Variants in EYS observed in about 807,000 individuals in gnomAD.
EYS encodes EGF-like photoreceptor maintenance factor.
Under a neutral mutation model 282.1 loss-of-function variants are expected in EYS, and 250 were observed. That is an observed-to-expected ratio of 0.89 (90% confidence interval 0.80 to 0.98). EYS has a LOEUF of 0.98. Among genes scored for constraint, EYS ranks in the 50% least tolerant of loss-of-function variants. The probability of loss-of-function intolerance (pLI) is 0.00; values close to 1 mark genes in which losing one functional copy is unlikely to be tolerated. For missense variants in EYS, 4,016 were observed against 3,709.0 expected, an observed-to-expected ratio of 1.08 and a Z score of -2.15; for synonymous variants, 1,355 against 1,282.9, an observed-to-expected ratio of 1.06 and a Z score of -1.20.
intron 12 of EYS, among the ~76,000 whole-genome samples, chr6:65,142,713 A>G (rs1037805936): frequency 1.3e-5 from 2 of 151,922 alleles, no homozygotes; most frequent in African/African-American, 4.8e-5. Flanking sequence ...ACATAGCTGA[A>G]GGTCCTACAA....
intron 12 of EYS, among the ~76,000 whole-genome samples, chr6:65,099,356 GA>G (rs1478083933): frequency 1.3e-5 from 2 of 150,626 alleles, no homozygotes; most frequent in Admixed American, 6.6e-5. Flanking sequence ...ATGTCATCAA[GA>G]TTACATATTG....
chr6:63,868,805 T>C (rs553658526), intron 35 of EYS, among the ~76,000 whole-genome samples: 5 of 152,168 alleles, frequency 3.3e-5, no homozygotes, highest in Non-Finnish European at 4.4e-5. Flanking sequence ...GCAAGAATCT[T>C]CCTTAAAAAA....
chr6:64,490,311 A>G (rs1776699143), intron 26 of EYS, among the ~76,000 whole-genome samples: 1 of 150,978 alleles, frequency 6.6e-6, no homozygotes, highest in Non-Finnish European at 1.5e-5. Context: ...ATGTTTTATA[A>G]GATTTCCTCA....
chr6:65,564,411 G>A (rs533656182), intron 2 of EYS, among the ~76,000 whole-genome samples: 14 of 152,154 alleles, frequency 9.2e-5, no homozygotes, highest in South Asian at 6.2e-4. Context: ...GCATGGTACC[G>A]GTACCAAAAC....
intron 26 of EYS, among the ~76,000 whole-genome samples, chr6:64,452,783 T>G (rs1363988144): frequency 1.3e-5 from 2 of 152,168 alleles, no homozygotes; most frequent in Admixed American, 1.3e-4. Flanking sequence ...TAATAAATGG[T>G]GCTGGGAAAA....
chr6:65,498,906 T>A (rs868412276), intron 2 of EYS, among the ~76,000 whole-genome samples: 7 of 152,148 alleles, frequency 4.6e-5, no homozygotes, highest in Middle Eastern at 6.8e-3. Context: ...AACACACATA[T>A]TGATTAAAAT....
intron 2 of EYS, among the ~76,000 whole-genome samples, chr6:65,532,966 C>T (rs1490508633): frequency 6.6e-6 from 1 of 151,758 alleles, no homozygotes; most frequent in Non-Finnish European, 1.5e-5. Context: ...TAATTGCTTC[C>T]TCAATTTTAA....
At chr6:65,421,005 T>A (rs1373208833) in intron 5 of EYS, among the ~76,000 whole-genome samples, 1 of 151,882 alleles carries the variant, frequency 6.6e-6, no homozygotes, top group Non-Finnish European at 1.5e-5. Flanking sequence ...AAATTTAGCA[T>A]CTTTCTTAAG....
intron 12 of EYS, among the ~76,000 whole-genome samples, chr6:65,199,975 G>A (rs1433761748): frequency 6.6e-6 from 1 of 151,476 alleles, no homozygotes; most frequent in Non-Finnish European, 1.5e-5. Flanking sequence ...GATTATATTG[G>A]GGTTTTAGAG....
intron 12 of EYS, among the ~76,000 whole-genome samples, chr6:65,230,972 T>C (rs1036257354): frequency 1.1e-4 from 16 of 150,192 alleles, no homozygotes; most frequent in Non-Finnish European, 1.9e-4. Context: ...AACTGGGTGA[T>C]ACAATAATCT....
intron 19 of EYS, among the ~76,000 whole-genome samples, chr6:64,845,000 C>T (rs144337799): frequency 6.6e-6 from 1 of 152,178 alleles, no homozygotes; most frequent in Non-Finnish European, 1.5e-5. Context: ...AACACCTAAT[C>T]AAATAAATTT....
intron 36 of EYS, among the ~76,000 whole-genome samples, chr6:63,814,776 T>C (rs947906383): frequency 5.3e-5 from 8 of 152,178 alleles, no homozygotes; most frequent in African/African-American, 1.9e-4. Context: ...TAGGTTCAAA[T>C]CATAATCATA....
At chr6:64,233,834 T>G (rs912794384) in intron 30 of EYS, among the ~76,000 whole-genome samples, 1 of 152,148 alleles carries the variant, frequency 6.6e-6, no homozygotes, top group Non-Finnish European at 1.5e-5. Flanking sequence ...GTTGGGGAAC[T>G]CTAGTTGGAA....
chr6:64,699,725 C>A (rs112430140), intron 22 of EYS, among the ~76,000 whole-genome samples: 5 of 151,986 alleles, frequency 3.3e-5, no homozygotes, highest in African/African-American at 1.2e-4. Context: ...ACCAAAAATT[C>A]CCAAGACTGG....
At chr6:64,271,458 C>T (rs1767937159) in intron 30 of EYS, among the ~76,000 whole-genome samples, 1 of 152,070 alleles carries the variant, frequency 6.6e-6, no homozygotes, top group East Asian at 1.9e-4. Context: ...CAGACATTCT[C>T]ATTTGTAGCA....
chr6:64,711,573 T>C (rs1771214800), intron 22 of EYS, among the ~76,000 whole-genome samples: 1 of 152,170 alleles, frequency 6.6e-6, no homozygotes, highest in East Asian at 1.9e-4. Flanking sequence ...CACCGGAAAA[T>C]GTAAAGAATA....
intron 1 of EYS, among the ~76,000 whole-genome samples, chr6:65,686,396 AATT>A (rs534016231): frequency 5.8e-4 from 88 of 152,106 alleles, no homozygotes; most frequent in South Asian, 2.5e-3. Flanking sequence ...ATTTTTTAGT[AATT>A]ATTATTTTCT....
chr6:64,223,842 T>C (rs1766175378), intron 31 of EYS, among the ~76,000 whole-genome samples: 1 of 152,058 alleles, frequency 6.6e-6, no homozygotes, highest in Admixed American at 6.6e-5. Flanking sequence ...AAATATAAGA[T>C]AAATCATACT....
At chr6:63,907,681 AGTG>A (rs1773809801) in intron 35 of EYS, among the ~76,000 whole-genome samples, 1 of 152,104 alleles carries the variant, frequency 6.6e-6, no homozygotes, top group Non-Finnish European at 1.5e-5. Context: ...TTTCATGAAT[AGTG>A]GTGAAGTCTG....
Sources: gnomAD v4.1 joint callset for allele counts (sites outside exome capture counted in the v4.1 genomes callset) on GRCh38, gnomAD v4.1.1 for gene constraint, MANE v1.5 for transcripts, NCBI Gene and HGNC (gene_info 2026-07-23, HGNC 2026-07-21) for gene names.